GALNTL6: variants seen among roughly 807,000 people sequenced by gnomAD.
GALNTL6 encodes the protein polypeptide N-acetylgalactosaminyltransferase like 6.
Under a neutral mutation model 73.7 loss-of-function variants are expected in GALNTL6, and 46 were observed. The ratio of observed to expected loss-of-function variants is 0.62; its 90% CI spans 0.49 to 0.80. The LOEUF (loss-of-function observed/expected upper bound fraction) is 0.80, where lower values mean the gene tolerates loss of function less well. Ranked by LOEUF, GALNTL6 falls within the 30% of genes least tolerant of loss-of-function variation. The pLI is 0.00. For synonymous variants in GALNTL6, 259 were observed against 263.7 expected (o/e 0.98, Z 0.17); for missense variants, 604 against 755.0 (o/e 0.80, Z 2.34).
intron 7 of GALNTL6, among the ~76,000 whole-genome samples, chr4:172,819,487 A>G (rs749770898): frequency 2.6e-5 from 4 of 152,246 alleles, no homozygotes; most frequent in Non-Finnish European, 5.9e-5. Context: ...CCTAAGCTAT[A>G]CAGTCTAAAT....
chr4:172,510,025 G>A lies in GALNTL6; in HGVS notation c.553+161336G>A, dbSNP rs1734427886. On this transcript the variant is annotated intron_variant, in intron 5 of 12. Transcript: ENST00000506823. ...GAATTGCATTGAATTTGTAGATCCC[G>A]TTTGGCAGTATGGTCCTTTTCACAA... Among the ~76,000 whole-genome samples, 2 of 54,564 alleles carry A rather than the reference G, an allele frequency of 3.7e-5. 1 individual carries two copies. The highest frequency in any genetic ancestry group is 8.5e-5 in the Non-Finnish European group (2 of 23,618). The allele number at this position is 54,564 out of a possible 152,430, so 35.8% of individuals were successfully genotyped here. A position where few individuals can be genotyped will look rare whatever the true frequency, so the allele number is the denominator to read the frequency against.
intron 11 of GALNTL6, among the ~76,000 whole-genome samples, chr4:173,017,918 G>A (rs1291089630): frequency 6.6e-6 from 1 of 152,192 alleles, no homozygotes; most frequent in Non-Finnish European, 1.5e-5. Flanking sequence ...TGTATGAAAA[G>A]GCCATCTACC....
At chr4:172,729,175 G>C (rs1736002949) in intron 5 of GALNTL6, among the ~76,000 whole-genome samples, 1 of 151,998 alleles carries the variant, frequency 6.6e-6, no homozygotes, top group Admixed American at 6.5e-5. Context: ...CTATTCTGCA[G>C]GTTGTCTATT....
intron 8 of GALNTL6, among the ~76,000 whole-genome samples, chr4:172,928,759 C>T (rs566741257): frequency 1.3e-5 from 2 of 152,344 alleles, no homozygotes; most frequent in South Asian, 2.1e-4. Context: ...CAGAACTACA[C>T]ATCTTTAGTT....
At chr4:171,882,581 C>T (rs573785456) in intron 2 of GALNTL6, among the ~76,000 whole-genome samples, 1 of 152,260 alleles carries the variant, frequency 6.6e-6, no homozygotes, top group East Asian at 1.9e-4. Context: ...GCCCGAGAAC[C>T]CCCGGGCAAA....
chr4:171,968,386 C>T (rs1560863658), intron 2 of GALNTL6, among the ~76,000 whole-genome samples: 1 of 152,090 alleles, frequency 6.6e-6, no homozygotes, highest in African/African-American at 2.4e-5. Context: ...TGGTCATTGC[C>T]AACCATCCTT....
intron 2 of GALNTL6, among the ~76,000 whole-genome samples, chr4:171,968,751 C>A (rs573003621): frequency 1.3e-5 from 2 of 151,834 alleles, no homozygotes; most frequent in Admixed American, 1.3e-4. Flanking sequence ...TGCCAGTGTC[C>A]TCTCTCAGTC....
intron 2 of GALNTL6, among the ~76,000 whole-genome samples, chr4:171,940,016 A>T (rs1482266606): frequency 6.6e-6 from 1 of 152,128 alleles, no homozygotes; most frequent in Non-Finnish European, 1.5e-5. Context: ...TGTTTTTTTT[A>T]ACTCACTGTA....
chr4:172,980,706 T>C (rs999894259), intron 10 of GALNTL6, among the ~76,000 whole-genome samples: 2 of 152,160 alleles, frequency 1.3e-5, no homozygotes, highest in African/African-American at 4.8e-5. Flanking sequence ...TAGGACTCCA[T>C]CCTTATGACC....
chr4:171,884,611 TA>T (rs1346208124), intron 2 of GALNTL6, among the ~76,000 whole-genome samples: 3 of 151,928 alleles, frequency 2.0e-5, no homozygotes, highest in Non-Finnish European at 2.9e-5. Flanking sequence ...AAATTATATA[TA>T]AAAATATGAT....
intron 10 of GALNTL6, among the ~76,000 whole-genome samples, chr4:173,002,927 A>T (rs2126480301): frequency 6.6e-6 from 1 of 152,328 alleles, no homozygotes; most frequent in Non-Finnish European, 1.5e-5. Flanking sequence ...AGGTTTACAA[A>T]ATATTATTTA....
chr4:172,126,070 A>G (rs1292594527), intron 2 of GALNTL6, among the ~76,000 whole-genome samples: 2 of 152,156 alleles, frequency 1.3e-5, no homozygotes, highest in South Asian at 2.1e-4. Flanking sequence ...AGGAAGCAAT[A>G]AATTTTGCAC....
chr4:172,903,692 CTG>C (rs1746741646), intron 8 of GALNTL6, among the ~76,000 whole-genome samples: 1 of 152,118 alleles, frequency 6.6e-6, no homozygotes, highest in African/African-American at 2.4e-5. Context: ...ACTGCATTCT[CTG>C]TGATTTCTAG....
At chr4:172,620,009 C>G (rs114329130) in intron 5 of GALNTL6, among the ~76,000 whole-genome samples, 1 of 152,178 alleles carries the variant, frequency 6.6e-6, no homozygotes, top group Admixed American at 6.5e-5. Context: ...TCAAAGCTAC[C>G]TTTCCTTTCA....
chr4:172,252,807 T>C (rs770861074), intron 3 of GALNTL6, among the ~76,000 whole-genome samples: 1 of 151,898 alleles, frequency 6.6e-6, no homozygotes, highest in Non-Finnish European at 1.5e-5. Flanking sequence ...AGGAAGTCCT[T>C]GGTACCTTAC....
At chr4:172,442,554 T>C (rs1199442150) in intron 5 of GALNTL6, among the ~76,000 whole-genome samples, 3 of 152,104 alleles carry the variant, frequency 2.0e-5, no homozygotes, top group Admixed American at 6.6e-5. Flanking sequence ...AAAAAAAGGA[T>C]TTCTTAGTCT....
At chr4:172,579,017 A>AC (rs1316527019) in intron 5 of GALNTL6, among the ~76,000 whole-genome samples, 1 of 152,212 alleles carries the variant, frequency 6.6e-6, no homozygotes, top group Non-Finnish European at 1.5e-5. Context: ...TAATCAGCTG[A>AC]CTTGAGTGGT....
At chr4:172,712,521 T>G (rs1734772510) in intron 5 of GALNTL6, among the ~76,000 whole-genome samples, 1 of 152,174 alleles carries the variant, frequency 6.6e-6, no homozygotes, top group Admixed American at 6.5e-5. Context: ...GGATGCTACT[T>G]TTTTATGAAG....
chr4:173,002,672 G>C (rs1752095291), intron 10 of GALNTL6, among the ~76,000 whole-genome samples: 1 of 151,316 alleles, frequency 6.6e-6, no homozygotes, highest in South Asian at 2.1e-4. Flanking sequence ...GTGCACACCT[G>C]TGGTCCCAGC....
Sources: gnomAD v4.1 joint callset for allele counts (sites outside exome capture counted in the v4.1 genomes callset) on GRCh38, gnomAD v4.1.1 for gene constraint, MANE v1.5 for transcripts, NCBI Gene and HGNC (gene_info 2026-07-23, HGNC 2026-07-21) for gene names.